ATXN7L1: variants seen among roughly 807,000 people sequenced by gnomAD.
The protein encoded by ATXN7L1 is ataxin 7 like 1.
ATXN7L1 carries 15 observed loss-of-function variants against 70.8 expected under a neutral mutation model. That is an observed-to-expected ratio of 0.21 (90% CI 0.14 to 0.33). ATXN7L1 has a LOEUF of 0.33. Ranked by LOEUF, ATXN7L1 falls within the 10% of genes least tolerant of loss-of-function variation. The pLI is 1.00. For missense variants in ATXN7L1, 975 were observed against 1,097.1 expected (o/e 0.89, Z 1.57); for synonymous variants, 440 against 445.1 (o/e 0.99, Z 0.14).
chr7:105,665,036 C>G, intron 4 of ATXN7L1, 30 bp downstream of exon 4: 1 of 1,525,504 alleles, frequency 6.6e-7, no homozygotes, highest in Non-Finnish European at 8.9e-7. Flanking sequence ...GGGGGACAGA[C>G]AGCAGCTGGC....
At chr7:105,781,805 A>C (rs1803572558) in intron 3 of ATXN7L1, among the ~76,000 whole-genome samples, 1 of 152,162 alleles carries the variant, frequency 6.6e-6, no homozygotes, top group Non-Finnish European at 1.5e-5. Context: ...GCCCAAGGTC[A>C]CACAGGGAAT....
chr7:105,801,573 A>T (rs1806829037), intron 2 of ATXN7L1, among the ~76,000 whole-genome samples: 1 of 152,182 alleles, frequency 6.6e-6, no homozygotes, highest in Non-Finnish European at 1.5e-5. Context: ...TAGTTAAAAG[A>T]TTCTGTTAGC....
At position 105,624,114 on chromosome 7, in the gene ATXN7L1, T is replaced by C. The variant is rs1159311834; in HGVS notation, c.1356A>G (p.Leu452=). ...EMDGADESEK[L]DCQFSTHHPR... is the part of the protein sequence containing the mutation. ...GGTGGTGCGTGGAGAACTGACAGTCTAGCTTCTCGGATTCGTCGGCTCCGT... is the reference window on the plus strand; with the variant it reads ...GGTGGTGCGTGGAGAACTGACAGTCCAGCTTCTCGGATTCGTCGGCTCCGT... The change falls in exon 8 of 12, where the codon CTA becomes CTG. Residue 452 remains leucine (L), a synonymous_variant. Coordinates refer to ENST00000419735, the MANE Select transcript of ATXN7L1 (RefSeq NM_020725.2). The C allele has an allele frequency of 2.0e-6, 3 of 1,517,438 alleles. No homozygotes were observed. The highest frequency in any genetic ancestry group is 1.3e-5 in the South Asian group (1 of 79,768). The allele number at this position is 1,517,438 out of a possible 1,614,324, so 94.0% of individuals were successfully genotyped here.
intron 3 of ATXN7L1, among the ~76,000 whole-genome samples, chr7:105,770,507 T>C (rs1178032437): frequency 2.0e-5 from 3 of 152,190 alleles, no homozygotes; most frequent in East Asian, 1.9e-4. Flanking sequence ...CCTCAGGGCA[T>C]TGACTCACAT....
At chr7:105,617,181 C>T (rs917200227) in intron 9 of ATXN7L1, among the ~76,000 whole-genome samples, 3 of 152,168 alleles carry the variant, frequency 2.0e-5, no homozygotes, top group African/African-American at 4.8e-5. Context: ...CACCCGCCAC[C>T]AGGCCCGGAT....
chr7:105,687,276 T>C (rs911625166), intron 3 of ATXN7L1, among the ~76,000 whole-genome samples: 1 of 152,236 alleles, frequency 6.6e-6, no homozygotes, highest in Non-Finnish European at 1.5e-5. Context: ...AGGACCAGGC[T>C]TGGCAGATTG....
At chr7:105,874,123 CAAA>C (rs766696244) in intron 2 of ATXN7L1, among the ~76,000 whole-genome samples, 2 of 71,958 alleles carry the variant, frequency 2.8e-5, no homozygotes, top group Non-Finnish European at 6.0e-5. Context: ...GAATCCGTAT[CAAA>C]AAAAAAAAAA....
chr7:105,874,209 G>C (rs926621767), intron 2 of ATXN7L1, among the ~76,000 whole-genome samples: 7 of 152,054 alleles, frequency 4.6e-5, no homozygotes, highest in Admixed American at 2.0e-4. Context: ...AACAGGGACT[G>C]GGGGGAAAGG....
chr7:105,843,042 A>C (rs1284042369), intron 2 of ATXN7L1, among the ~76,000 whole-genome samples: 2 of 152,204 alleles, frequency 1.3e-5, no homozygotes, highest in Non-Finnish European at 2.9e-5. Context: ...CGAAATCTTC[A>C]GCTTTTTTTC....
chr7:105,812,783 T>C (rs982512655), intron 2 of ATXN7L1, among the ~76,000 whole-genome samples: 1 of 151,992 alleles, frequency 6.6e-6, no homozygotes, highest in Non-Finnish European at 1.5e-5. Context: ...GGTGGGTCAC[T>C]TGAGCCCAGA....
intron 2 of ATXN7L1, among the ~76,000 whole-genome samples, chr7:105,825,205 T>C (rs1206784723): frequency 2.0e-5 from 3 of 152,218 alleles, no homozygotes; most frequent in African/African-American, 4.8e-5. Context: ...TTTCCATATT[T>C]TGAAGACTCG....
intron 3 of ATXN7L1, among the ~76,000 whole-genome samples, chr7:105,747,662 A>G (rs1798730148): frequency 6.6e-6 from 1 of 152,240 alleles, no homozygotes; most frequent in Non-Finnish European, 1.5e-5. Context: ...CTGGTGGGAC[A>G]GTGGGGGGAC....
At chr7:105,664,595 C>A (rs1802319055) in intron 4 of ATXN7L1, among the ~76,000 whole-genome samples, 1 of 121,700 alleles carries the variant, frequency 8.2e-6, no homozygotes, top group Non-Finnish European at 1.8e-5. Flanking sequence ...ATATTTGAGA[C>A]AGAGTTTCAC....
At chr7:105,844,629 A>C (rs1306399444) in intron 2 of ATXN7L1, among the ~76,000 whole-genome samples, 1 of 152,370 alleles carries the variant, frequency 6.6e-6, no homozygotes, top group South Asian at 2.1e-4. Context: ...CATACTTAAT[A>C]GTAAGAGATT....
intron 6 of ATXN7L1, 68 bp from the exon 7 acceptor site, chr7:105,638,677 C>A (rs1303205518): frequency 8.2e-6 from 12 of 1,460,488 alleles, no homozygotes; most frequent in African/African-American, 1.4e-5. Context: ...CCCAGGCCCT[C>A]CATTTCAGAA....
At chr7:105,730,648 C>T (rs183219796) in intron 3 of ATXN7L1, among the ~76,000 whole-genome samples, 3 of 152,108 alleles carry the variant, frequency 2.0e-5, no homozygotes, top group Non-Finnish European at 4.4e-5. Context: ...AGGAGAATCA[C>T]TTGAACCTGG....
intron 2 of ATXN7L1, among the ~76,000 whole-genome samples, chr7:105,815,824 A>C (rs1329982559): frequency 6.6e-6 from 1 of 152,232 alleles, no homozygotes; most frequent in African/African-American, 2.4e-5. Flanking sequence ...AGGAGGTGGA[A>C]GATTCGGGAG....
At chr7:105,700,225 G>T (rs1324008575) in intron 3 of ATXN7L1, among the ~76,000 whole-genome samples, 1 of 152,256 alleles carries the variant, frequency 6.6e-6, no homozygotes, top group East Asian at 1.9e-4. Context: ...GACAAGGGGG[G>T]CTGGGCGCGG....
Position 105,669,278 on chromosome 7 carries a change from C to T in ATXN7L1, c.356-3990G>A, listed in dbSNP as rs184419741. ...TGTATTTTTAGTAGAGACAGGGTTT[C>T]GCCTTGTTAGCCAGGCTGGTTTCAA... On this transcript the variant is annotated intron_variant, in intron 3 of 11. Transcript: ENST00000419735. 2.1e-4 allele frequency among the ~76,000 whole-genome samples: 32 copies of T among 152,162 alleles called. 1 individual carries two copies. In the East Asian group the frequency reaches 5.0e-3, roughly 24 times the overall value.
Sources: gnomAD v4.1 joint callset for allele counts (sites outside exome capture counted in the v4.1 genomes callset) on GRCh38, gnomAD v4.1.1 for gene constraint, MANE v1.5 for transcripts, NCBI Gene and HGNC (gene_info 2026-07-23, HGNC 2026-07-21) for gene names.